BRPF3: variants seen among roughly 807,000 people sequenced by gnomAD.
BRPF3 encodes the protein bromodomain and PHD finger-containing protein 3.
A neutral mutation model predicts 102.0 loss-of-function variants in BRPF3; 18 were observed. The observed-to-expected ratio is 0.18, with a 90% CI of 0.12 to 0.26. The LOEUF (loss-of-function observed/expected upper bound fraction) is 0.26, where lower values mean the gene tolerates loss of function less well. BRPF3 is among the 10% of genes least tolerant of loss of function. The pLI, the probability that BRPF3 is intolerant of heterozygous loss-of-function variation, is 1.00. For synonymous variants in BRPF3, 570 were observed against 614.2 expected (o/e 0.93, Z 1.06); for missense variants, 1,147 against 1,567.8 (o/e 0.73, Z 4.53).
chr6:36,207,842 T>C (rs1483056327), intron 4 of BRPF3, among the ~76,000 whole-genome samples: 1 of 152,246 alleles, frequency 6.6e-6, no homozygotes, highest in Non-Finnish European at 1.5e-5. Context: ...TAAACACTTA[T>C]GGTCCTGAAT....
intron 8 of BRPF3, among the ~76,000 whole-genome samples, chr6:36,215,444 G>A (rs1257296283): frequency 6.6e-6 from 1 of 152,238 alleles, no homozygotes; most frequent in Non-Finnish European, 1.5e-5. Flanking sequence ...GCAGGAGCTA[G>A]TCATGAGTAG....
chr6:36,197,834 T>C (rs1767559981), intron 1 of BRPF3, among the ~76,000 whole-genome samples: 1 of 152,130 alleles, frequency 6.6e-6, no homozygotes, highest in African/African-American at 2.4e-5. Context: ...CCCCGGTGTC[T>C]GGAGGCGTGG....
chr6:36,219,193 G>T (rs532602655), intron 9 of BRPF3, among the ~76,000 whole-genome samples: 1 of 152,218 alleles, frequency 6.6e-6, no homozygotes, highest in East Asian at 1.9e-4. Context: ...GGGCTGAGGG[G>T]GTCCCCAGCT....
intron 11 of BRPF3, among the ~76,000 whole-genome samples, 185 bp downstream of exon 11, chr6:36,225,549 G>A (rs1768710698): frequency 6.6e-6 from 1 of 152,152 alleles, no homozygotes; most frequent in South Asian, 2.1e-4. Context: ...ACTAAAAATA[G>A]GCTAAAAGTA....
At chr6:36,206,416 T>C (rs977122218) in intron 3 of BRPF3, among the ~76,000 whole-genome samples, 41 of 152,340 alleles carry the variant, frequency 2.7e-4, no homozygotes, top group African/African-American at 9.1e-4. Context: ...TTCCATTCTC[T>C]TACTTCCTCT....
chr6:36,226,733 A>G (rs1768753673), intron 11 of BRPF3, among the ~76,000 whole-genome samples: 1 of 152,262 alleles, frequency 6.6e-6, no homozygotes, highest in Non-Finnish European at 1.5e-5. Flanking sequence ...ATTATAGCTC[A>G]AAGAGGTTGT....
chr6:36,221,574 C>A (rs927983156), intron 9 of BRPF3, among the ~76,000 whole-genome samples: 1 of 152,130 alleles, frequency 6.6e-6, no homozygotes, highest in Non-Finnish European at 1.5e-5. Flanking sequence ...CGTGAGCCAC[C>A]ACACCCAGCC....
At chr6:36,219,116 T>A (rs1768437703) in intron 9 of BRPF3, among the ~76,000 whole-genome samples, 1 of 152,166 alleles carries the variant, frequency 6.6e-6, no homozygotes, top group Admixed American at 6.5e-5. Context: ...TTTGAAGTGC[T>A]TCCAAGGCAG....
At chr6:36,214,498 A>G (rs763385261) in intron 8 of BRPF3, 112 bp downstream of exon 8, 36 of 1,290,028 alleles carry the variant, frequency 2.8e-5, no homozygotes, top group Middle Eastern at 2.7e-4. Context: ...TTGGACAGCA[A>G]TAGTAGCATT....
rs780304054 is a variant in BRPF3, at chr6:36,213,961, A to G, written c.2564A>G (p.Glu855Gly). The G allele has an allele frequency of 2.6e-5, 42 of 1,608,498 alleles. No individual in the cohort carries two copies. The highest frequency in any genetic ancestry group is 3.5e-5 in the Non-Finnish European group (41 of 1,175,872). The change falls in exon 8 of 13, where the codon GAG (glutamate) becomes GGG (glycine). Residue 855 changes from glutamate (E) to glycine (G), a missense_variant. By Grantham distance (98) the Glu-to-Gly change is moderately conservative. Around this residue, in one of 11 missense-constraint regions of BRPF3, gnomAD observed 379 missense variants for 426.3 expected, o/e 0.89. Transcript: ENST00000357641. ...PSLSEQESPP[E>G]PPTLKPINDS... ...TTGTCTGAGCAAGAATCCCCCCCGG[A>G]GCCCCCTACTCTGAAACCCATTAAT...
rs763621332 is a variant in BRPF3, at chr6:36,230,542, A to G, written c.3551A>G (p.Asp1184Gly). 1 of 1,614,132 alleles carries G rather than the reference A, an allele frequency of 6.2e-7. No homozygotes were observed. Among genetic ancestry groups the G allele is most frequent in the South Asian group, 1.1e-5 (1 of 91,084 alleles). ...SIRKSVQVAY[D>G]RAMIHLSRVR... ...CGCAAGTCAGTGCAGGTGGCCTATG[A>G]CCGTGCGATGATCCACCTGAGCAGA... is the stretch of plus-strand genomic sequence containing the variant. The change falls in exon 13 of 13, where the codon GAC becomes GGC. Residue 1184 changes from aspartate (D) to glycine (G), a missense_variant. Coordinates refer to ENST00000357641, the MANE Select transcript of BRPF3 (RefSeq NM_015695.3). The surrounding 1 kb of genome is among the most constrained non-coding windows in gnomAD (Gnocchi z 5.4).
chr6:36,221,902 G>T (rs984002654), intron 9 of BRPF3, among the ~76,000 whole-genome samples: 1 of 152,212 alleles, frequency 6.6e-6, no homozygotes, highest in African/African-American at 2.4e-5. Flanking sequence ...TTTGGATGAA[G>T]TCCAAGGTTC....
chr6:36,231,385 G>GC lies in BRPF3; in HGVS notation c.*781dup. Reference sequence around the variant, plus strand: ...CACAACTTCCCAGCTCTGCAAGTGTGCCCCCTGGATCAAGGCGGGTCCCCT... The same window carrying GC: ...CACAACTTCCCAGCTCTGCAAGTGTGCCCCCCTGGATCAAGGCGGGTCCCCT... On this transcript the variant is annotated 3_prime_UTR_variant, in exon 13 of 13. Coordinates refer to ENST00000357641, the MANE Select transcript of BRPF3 (RefSeq NM_015695.3). The GC allele has an allele frequency of 6.6e-6, 1 of 152,294 alleles. No individual in the cohort carries two copies. The highest frequency in any genetic ancestry group is 1.5e-5 in the Non-Finnish European group (1 of 68,076). 9.4% of individuals were successfully genotyped at this position (152,294 alleles called of 1,614,324 possible).
chr6:36,230,293 G>A lies in BRPF3; in HGVS notation c.3435-133G>A. On this transcript the variant is annotated intron_variant, in intron 12 of 12. Coordinates refer to ENST00000357641, the MANE Select transcript of BRPF3 (RefSeq NM_015695.3). The surrounding 1 kb of genome is among the most constrained non-coding windows in gnomAD (Gnocchi z 5.4). The stretch of plus-strand genomic sequence containing the variant: ...GGTTCTTGGTGGCCTCCTGCATGGA[G>A]TCCCCCAATTTGCTTCCCTCTGCCC... 1.3e-6 allele frequency: 1 copy of A among 750,734 alleles called. No homozygotes were observed. The highest frequency in any genetic ancestry group is 2.2e-6 in the Non-Finnish European group (1 of 454,658). 46.5% of individuals were successfully genotyped at this position (750,734 alleles called of 1,614,324 possible).
rs1581950951 is a variant in BRPF3 at position 36,205,218 on chromosome 6, T to C, written c.1605+404T>C. Among the ~76,000 whole-genome samples the C allele has an allele frequency of 3.3e-5, 5 of 152,364 alleles. No individual in the cohort carries two copies. In the South Asian group the frequency reaches 1.0e-3, roughly 32 times the overall value. ...ATGTTTCATAGTAAATACACAAATT[T>C]ACGATCTAAGTTGTAGCACACAGCC... On this transcript the variant is annotated intron_variant, in intron 3 of 12. Coordinates refer to ENST00000357641, the MANE Select transcript of BRPF3 (RefSeq NM_015695.3).
At chr6:36,217,793 A>G (rs1171132197) in intron 8 of BRPF3, 124 bp from the exon 9 acceptor site, 5 of 678,336 alleles carry the variant, frequency 7.4e-6, no homozygotes, top group Non-Finnish European at 1.3e-5. Flanking sequence ...CATTTCTCAC[A>G]GGGAAAGGAA....
intron 1 of BRPF3, among the ~76,000 whole-genome samples, chr6:36,199,887 G>A (rs1457176438): frequency 1.3e-5 from 2 of 152,176 alleles, no homozygotes; most frequent in Non-Finnish European, 2.9e-5. Context: ...CCAGGAACTG[G>A]GGATGCAGCA....
intron 8 of BRPF3, 33 bp from the exon 9 acceptor site, chr6:36,217,884 T>C: frequency 1.3e-6 from 2 of 1,599,414 alleles, no homozygotes; most frequent in African/African-American, 1.3e-5. Context: ...GGGGGATTTC[T>C]GCACTCAGAC....
chr6:36,212,836 C>T (rs955338132), intron 7 of BRPF3, among the ~76,000 whole-genome samples: 1 of 151,964 alleles, frequency 6.6e-6, no homozygotes, highest in African/African-American at 2.4e-5. Context: ...GCCTGTAGTC[C>T]CAGCTACTGG....
Sources: gnomAD v4.1 joint callset for allele counts (sites outside exome capture counted in the v4.1 genomes callset) on GRCh38, gnomAD v4.1.1 for gene constraint, gnomAD v4.1.1 regional missense constraint, Gnocchi (gnomAD v3.1) non-coding constraint, MANE v1.5 for transcripts, NCBI Gene and HGNC (gene_info 2026-07-23, HGNC 2026-07-21) for gene names.